DPYSL3: variants seen among roughly 807,000 people sequenced by gnomAD.
DPYSL3 encodes dihydropyrimidinase-related protein 3.
A neutral mutation model predicts 66.1 loss-of-function variants in DPYSL3; 16 were observed. That is an observed-to-expected ratio of 0.24 (90% CI 0.16 to 0.37). The LOEUF (loss-of-function observed/expected upper bound fraction) is 0.37. Ranked by LOEUF, DPYSL3 falls within the 10% of genes least tolerant of loss-of-function variation. DPYSL3 has a pLI of 1.00. For missense variants in DPYSL3, 738 were observed against 916.2 expected (o/e 0.81, Z 2.51); for synonymous variants, 338 against 345.1 (o/e 0.98, Z 0.23).
chr5:147,408,863 T>C (rs2152019807), intron 6 of DPYSL3, 67 bp from the exon 7 acceptor site: 3 of 1,473,714 alleles, frequency 2.0e-6, no homozygotes, highest in Non-Finnish European at 2.8e-6. Context: ...TACGCTGGTA[T>C]GTTCTGATCT....
chr5:147,395,424 T>C, intron 13 of DPYSL3, 135 bp downstream of exon 13: 1 of 1,087,506 alleles, frequency 9.2e-7, no homozygotes. Flanking sequence ...CCCAGTAACC[T>C]TCTCCCTAAA....
intron 1 of DPYSL3, among the ~76,000 whole-genome samples, chr5:147,508,869 A>T (rs1469542651): frequency 6.6e-6 from 1 of 152,168 alleles, no homozygotes; most frequent in Non-Finnish European, 1.5e-5. Flanking sequence ...TTACAAACAC[A>T]GATGTGAAAT....
Position 147,509,527 on chromosome 5 carries a change from C to T in DPYSL3, c.332G>A (p.Arg111Gln). The T allele has an allele frequency of 3.9e-6, 6 of 1,534,198 alleles. No individual in the cohort carries two copies. Among genetic ancestry groups the T allele is most frequent in the Non-Finnish European group, 5.2e-6 (6 of 1,146,032 alleles). The change falls in exon 1 of 14, where the codon CGG becomes CAG. Residue 111 changes from arginine (R) to glutamine (Q), a missense_variant. Coordinates refer to ENST00000343218, the MANE Select transcript of DPYSL3 (RefSeq NM_001197294.2). This position sits in a 1 kb window ranked among gnomAD's most constrained non-coding sequence, Gnocchi z 5.3. ...ASPAPAGVEI[R>Q]SATGKEVLQN... is the part of the protein sequence containing the mutation. ...CAACACCTCTTTGCCGGTGGCGCTC[C>T]GGATCTCTACCCCGGCGGGGGCGGG...
intron 1 of DPYSL3, among the ~76,000 whole-genome samples, chr5:147,502,947 C>A (rs975920570): frequency 6.6e-6 from 1 of 152,166 alleles, no homozygotes; most frequent in Non-Finnish European, 1.5e-5. Context: ...GGACTCCCTT[C>A]TTATTCACAA....
At chr5:147,438,259 G>T (rs1752450702) in intron 1 of DPYSL3, among the ~76,000 whole-genome samples, 1 of 152,106 alleles carries the variant, frequency 6.6e-6, no homozygotes, top group Non-Finnish European at 1.5e-5. Context: ...TGATTCTTTG[G>T]CCCTGAACTT....
intron 10 of DPYSL3, 124 bp downstream of exon 10, chr5:147,400,568 T>C: frequency 1.5e-6 from 2 of 1,317,368 alleles, no homozygotes; most frequent in Non-Finnish European, 2.1e-6. Context: ...TCCAGAGACA[T>C]CTCAGCAAGT....
intron 2 of DPYSL3, among the ~76,000 whole-genome samples, chr5:147,424,226 T>C (rs570762304): frequency 2.0e-5 from 3 of 152,230 alleles, no homozygotes; most frequent in Non-Finnish European, 2.9e-5. Context: ...ACAGGGCTAA[T>C]AGAATGGGTT....
chr5:147,399,310 G>T (rs913388109), intron 10 of DPYSL3, 58 bp from the exon 11 acceptor site: 3 of 1,527,878 alleles, frequency 2.0e-6, no homozygotes, highest in South Asian at 2.6e-5. Flanking sequence ...TCAATTCAGG[G>T]CTTCTGAACT....
At chr5:147,451,878 C>G (rs1333256045) in intron 1 of DPYSL3, among the ~76,000 whole-genome samples, 1 of 151,896 alleles carries the variant, frequency 6.6e-6, no homozygotes, top group Non-Finnish European at 1.5e-5. Context: ...TTCCACAGCT[C>G]TTTGGAAAGA....
chr5:147,495,894 A>T (rs1292175344), intron 1 of DPYSL3, among the ~76,000 whole-genome samples: 3 of 152,212 alleles, frequency 2.0e-5, no homozygotes, highest in Admixed American at 6.5e-5. Flanking sequence ...ATTGGAAAAA[A>T]CTACTTTCAA....
At chr5:147,432,246 C>A (rs1752328838) in intron 1 of DPYSL3, among the ~76,000 whole-genome samples, 1 of 152,138 alleles carries the variant, frequency 6.6e-6, no homozygotes, top group Admixed American at 6.5e-5. Context: ...TCTTCACTTT[C>A]TTTATTATCT....
At chr5:147,497,278 A>G (rs1376563199) in intron 1 of DPYSL3, among the ~76,000 whole-genome samples, 1 of 151,910 alleles carries the variant, frequency 6.6e-6, no homozygotes, top group South Asian at 2.1e-4. Context: ...AAGGGGTAGC[A>G]TTAGGAGATA....
At chr5:147,442,946 G>A (rs921042195) in intron 1 of DPYSL3, among the ~76,000 whole-genome samples, 2 of 151,928 alleles carry the variant, frequency 1.3e-5, no homozygotes, top group Non-Finnish European at 2.9e-5. Context: ...TGTGATTTTG[G>A]TAAATTTTTC....
rs555761451 is a variant in DPYSL3, at chr5:147,393,773, C to A, written c.*262G>T. On this transcript the variant is annotated 3_prime_UTR_variant, in exon 14 of 14. Coordinates refer to ENST00000343218, the MANE Select transcript of DPYSL3 (RefSeq NM_001197294.2). ...CACTATGATAGAGCAGACTCTTTTA[C>A]CTTAGTGGCCTGTCTGATTGCATGC... 11 of 478,328 alleles carry A rather than the reference C, an allele frequency of 2.3e-5. No individual in the cohort carries two copies. The highest frequency in any genetic ancestry group is 6.7e-5 in the Admixed American group (2 of 30,030). 29.6% of individuals were successfully genotyped at this position (478,328 alleles called of 1,614,324 possible).
intron 2 of DPYSL3, among the ~76,000 whole-genome samples, chr5:147,421,808 T>C (rs886946628): frequency 2.0e-5 from 3 of 152,200 alleles, no homozygotes; most frequent in Non-Finnish European, 4.4e-5. Flanking sequence ...GCTAGCCATA[T>C]GCAGAAAACA....
In DPYSL3 at chr5:147,403,986, C is replaced by T. The variant is rs139175558; in HGVS notation, c.1153+1624G>A. ...CACCCTGTCCCGAGCGGCCCTAGGT[C>T]ACCCTAAGAATGGGTCCCGGGCAGA... On this transcript the variant is annotated intron_variant, in intron 8 of 13. Transcript: ENST00000343218. 8.7e-4 allele frequency among the ~76,000 whole-genome samples: 132 copies of T among 152,274 alleles called. 1 individual carries two copies. In the East Asian group the frequency reaches 0.024, roughly 28 times the overall value.
intron 1 of DPYSL3, among the ~76,000 whole-genome samples, chr5:147,495,163 T>A (rs1230892271): frequency 6.6e-6 from 1 of 152,174 alleles, no homozygotes; most frequent in African/African-American, 2.4e-5. Context: ...ACAATCTCTT[T>A]CAGAGATAGA....
chr5:147,426,344 T>G (rs1752197736), intron 1 of DPYSL3, among the ~76,000 whole-genome samples: 1 of 151,934 alleles, frequency 6.6e-6, no homozygotes, highest in Non-Finnish European at 1.5e-5. Context: ...GGAAGGAGCT[T>G]AGGGTTCAAG....
chr5:147,479,615 A>G (rs1045716469), intron 1 of DPYSL3, among the ~76,000 whole-genome samples: 45 of 152,166 alleles, frequency 3.0e-4, no homozygotes, highest in Non-Finnish European at 6.5e-4. Context: ...TTATCTATCA[A>G]CACCATTCTG....
Sources: gnomAD v4.1 joint callset for allele counts (sites outside exome capture counted in the v4.1 genomes callset) on GRCh38, gnomAD v4.1.1 for gene constraint, Gnocchi (gnomAD v3.1) non-coding constraint, MANE v1.5 for transcripts, NCBI Gene and HGNC (gene_info 2026-07-23, HGNC 2026-07-21) for gene names.